SLC39A11: variants seen among roughly 807,000 people sequenced by gnomAD.
SLC39A11 encodes solute carrier family 39 member 11.
In SLC39A11, 33 loss-of-function variants were observed where a neutral mutation model predicts 36.1. That is an observed-to-expected ratio of 0.91 (90% CI 0.69 to 1.22). The LOEUF (loss-of-function observed/expected upper bound fraction) is 1.22. Among genes scored for constraint, SLC39A11 ranks in the 50% most tolerant of loss-of-function variants. The probability of loss-of-function intolerance (pLI) is 0.00; values close to 1 mark genes in which losing one functional copy is unlikely to be tolerated. For missense variants in SLC39A11, 432 were observed against 430.3 expected (o/e 1.00, Z -0.03); for synonymous variants, 166 against 170.3 (o/e 0.97, Z 0.20).
intron 4 of SLC39A11, among the ~76,000 whole-genome samples, chr17:72,988,298 C>T (rs894342111): frequency 3.3e-5 from 5 of 152,192 alleles, no homozygotes; most frequent in Admixed American, 3.3e-4. Flanking sequence ...GCTAAAAACA[C>T]ACACACACAC....
rs193153239 is a variant in SLC39A11 at position 72,647,575 on chromosome 17, G to T, written c.*9C>A. The T allele has an allele frequency of 2.2e-4, 359 of 1,612,920 alleles. No homozygotes were observed. Among genetic ancestry groups the T allele is most frequent in the Middle Eastern group, 2.0e-3 (12 of 5,856 alleles). Reference sequence around the variant, plus strand: ...TATGGCCTTTCCCGGGGTCCGAAGCGTCTCAGCCCTAGCCCAGGCCAACGT... The same window carrying T: ...TATGGCCTTTCCCGGGGTCCGAAGCTTCTCAGCCCTAGCCCAGGCCAACGT... On this transcript the variant is annotated 3_prime_UTR_variant, in exon 10 of 10. Coordinates refer to ENST00000255559, the MANE Select transcript of SLC39A11 (RefSeq NM_139177.4).
At chr17:72,935,172 G>A (rs9904330) in intron 5 of SLC39A11, among the ~76,000 whole-genome samples, 14,514 of 152,230 alleles carry the variant, frequency 0.095, 2,084 homozygotes, top group African/African-American at 0.32. Context: ...ACGATGGAAT[G>A]CTACTCAGCC....
intron 4 of SLC39A11, among the ~76,000 whole-genome samples, chr17:72,963,146 G>A (rs1029643851): frequency 7.3e-5 from 11 of 150,526 alleles, no homozygotes; most frequent in African/African-American, 2.4e-4. Context: ...ACACACCATG[G>A]GGTATAATTC....
intron 7 of SLC39A11, among the ~76,000 whole-genome samples, chr17:72,680,711 G>A (rs1294937951): frequency 1.3e-5 from 2 of 152,204 alleles, no homozygotes; most frequent in Non-Finnish European, 1.5e-5. Flanking sequence ...CTACACGCAT[G>A]TGGCCTTTTG....
intron 4 of SLC39A11, among the ~76,000 whole-genome samples, chr17:72,985,800 T>C (rs2088699369): frequency 6.6e-6 from 1 of 152,240 alleles, no homozygotes; most frequent in South Asian, 2.1e-4. Flanking sequence ...ACTGCATTCC[T>C]GCAAAAGATG....
chr17:72,857,408 T>G (rs1334811980), intron 5 of SLC39A11, among the ~76,000 whole-genome samples: 1 of 152,234 alleles, frequency 6.6e-6, no homozygotes, highest in African/African-American at 2.4e-5. Flanking sequence ...GTTGATTCCA[T>G]GTCCTTGCCA....
intron 4 of SLC39A11, among the ~76,000 whole-genome samples, chr17:72,994,465 C>A (rs1440272091): frequency 6.6e-6 from 1 of 152,070 alleles, no homozygotes; most frequent in African/African-American, 2.4e-5. Context: ...CAAGTAGCAA[C>A]AGGGATTGAT....
In SLC39A11 at chr17:72,729,436, TA is replaced by T. The variant is rs1946118340; in HGVS notation, c.671+7213del. Among the ~76,000 whole-genome samples the T allele has an allele frequency of 6.9e-3, 24 of 3,496 alleles. 1 individual carries two copies. The highest frequency in any genetic ancestry group is 0.015 in the East Asian group (4 of 262). The allele number at this position is 3,496 out of a possible 152,430, so 2.3% of individuals were successfully genotyped here. A position where few individuals can be genotyped will look rare whatever the true frequency, so the allele number is the denominator to read the frequency against. Reference sequence around the variant, plus strand: ...ATATATATATATATATATATATATATATATATATATATATATATATATTTTT... The same window carrying T: ...ATATATATATATATATATATATATATTATATATATATATATATATATTTTT... On this transcript the variant is annotated intron_variant, in intron 7 of 9. Coordinates refer to ENST00000255559, the MANE Select transcript of SLC39A11 (RefSeq NM_139177.4).
intron 5 of SLC39A11, among the ~76,000 whole-genome samples, chr17:72,863,344 A>G (rs1265014426): frequency 6.6e-6 from 1 of 152,036 alleles, no homozygotes; most frequent in Admixed American, 6.6e-5. Flanking sequence ...GGAGCAACAC[A>G]AGAGCAAGTG....
chr17:72,998,072 G>A lies in SLC39A11; in HGVS notation c.306+33484C>T, dbSNP rs1273957496. On this transcript the variant is annotated intron_variant, in intron 4 of 9. Transcript: ENST00000255559. ...TGCCAGTTTTGCTGTTGCACCACGG[G>A]GTATGTAACTGCTAAGATGAAAAAG... is the stretch of plus-strand genomic sequence containing the variant. Among the ~76,000 whole-genome samples the A allele has an allele frequency of 2.6e-5, 4 of 152,026 alleles. No individual in the cohort carries two copies. The East Asian group carries it at 7.7e-4, about 29-fold the overall frequency.
At chr17:73,069,052 C>T (rs886156786) in intron 3 of SLC39A11, among the ~76,000 whole-genome samples, 6 of 152,148 alleles carry the variant, frequency 3.9e-5, no homozygotes, top group African/African-American at 1.4e-4. Context: ...ATGTTGCCAA[C>T]AGCCCTGTAT....
intron 3 of SLC39A11, among the ~76,000 whole-genome samples, chr17:73,043,525 G>C (rs2059175354): frequency 1.3e-5 from 2 of 152,196 alleles, no homozygotes; most frequent in South Asian, 2.1e-4. Flanking sequence ...CAGCAGCTTA[G>C]CCAGCATGGA....
intron 5 of SLC39A11, among the ~76,000 whole-genome samples, chr17:72,862,660 A>T (rs555030052): frequency 6.6e-6 from 1 of 152,166 alleles, no homozygotes; most frequent in Admixed American, 6.5e-5. Context: ...ACGGGCAGAC[A>T]TGTCTTGCTG....
intron 5 of SLC39A11, among the ~76,000 whole-genome samples, chr17:72,927,276 G>A (rs2084104776): frequency 6.6e-6 from 1 of 152,112 alleles, no homozygotes; most frequent in South Asian, 2.1e-4. Flanking sequence ...TGGCCAGGCT[G>A]CTCTTGAATT....
intron 7 of SLC39A11, among the ~76,000 whole-genome samples, chr17:72,656,433 A>C (rs1000843267): frequency 5.3e-5 from 8 of 152,126 alleles, no homozygotes; most frequent in African/African-American, 1.4e-4. Flanking sequence ...GAGAGCAACA[A>C]GGCAGAGATC....
chr17:72,699,823 A>T (rs2072521418), intron 7 of SLC39A11, among the ~76,000 whole-genome samples: 1 of 152,136 alleles, frequency 6.6e-6, no homozygotes, highest in South Asian at 2.1e-4. Flanking sequence ...GATTCATCTT[A>T]CTTGGCAGGG....
intron 7 of SLC39A11, among the ~76,000 whole-genome samples, chr17:72,663,292 T>C (rs1020626770): frequency 5.9e-5 from 9 of 151,844 alleles, no homozygotes; most frequent in African/African-American, 2.2e-4. Context: ...TAGGGAGGAG[T>C]CATATTTTTG....
chr17:72,970,957 T>C (rs1055268889), intron 4 of SLC39A11, among the ~76,000 whole-genome samples: 9 of 152,200 alleles, frequency 5.9e-5, no homozygotes, highest in Admixed American at 2.6e-4. Context: ...TGTCTGGGGC[T>C]CTGGGTGTCC....
At chr17:73,038,529 T>C (rs1291357420) in intron 3 of SLC39A11, among the ~76,000 whole-genome samples, 1 of 143,594 alleles carries the variant, frequency 7.0e-6, no homozygotes, top group Non-Finnish European at 1.5e-5. Context: ...TGAAACGCTT[T>C]CTCTACTAAA....
Sources: gnomAD v4.1 joint callset for allele counts (sites outside exome capture counted in the v4.1 genomes callset) on GRCh38, gnomAD v4.1.1 for gene constraint, MANE v1.5 for transcripts, NCBI Gene and HGNC (gene_info 2026-07-23, HGNC 2026-07-21) for gene names.